The following COL18A1 variants were observed in gnomAD, a reference collection of about 807,000 sequenced individuals.
COL18A1 encodes the protein collagen alpha-1(XVIII) chain.
In COL18A1, 133 loss-of-function variants were observed where a neutral mutation model predicts 168.0. The ratio of observed to expected loss-of-function variants is 0.79; its 90% CI spans 0.69 to 0.91. The LOEUF (loss-of-function observed/expected upper bound fraction) is 0.91, where lower values mean the gene tolerates loss of function less well. Among genes scored for constraint, COL18A1 ranks in the 40% least tolerant of loss-of-function variants. COL18A1 has a pLI of 0.00. For missense variants in COL18A1, 2,126 were observed against 1,925.4 expected, an observed-to-expected ratio of 1.10 and a Z score of -1.95; for synonymous variants, 949 against 809.0, an observed-to-expected ratio of 1.17 and a Z score of -2.94.
At chr21:45,428,635 G>T (rs1025961012) in intron 2 of COL18A1, among the ~76,000 whole-genome samples, 16 of 152,160 alleles carry the variant, frequency 1.1e-4, no homozygotes, top group Admixed American at 2.0e-4. Flanking sequence ...CCACCGCCCG[G>T]CCCCAAGAAC....
intron 6 of COL18A1, 26 bp from the exon 7 acceptor site, chr21:45,477,385 G>T (rs777257211): frequency 6.2e-7 from 1 of 1,601,102 alleles, no homozygotes; most frequent in African/African-American, 1.3e-5. Context: ...GGGCGTGACC[G>T]TGGCCACCTC....
At chr21:45,493,125 C>T in intron 24 of COL18A1, 38 bp from the exon 25 acceptor site, 5 of 1,543,094 alleles carry the variant, frequency 3.2e-6, no homozygotes, top group Non-Finnish European at 4.4e-6. Context: ...GGGGGAGATG[C>T]CAGCCGCTCG....
At chr21:45,490,225 A>G (rs572110047) in intron 19 of COL18A1, 50 bp from the exon 20 acceptor site, 1 of 1,496,548 alleles carries the variant, frequency 6.7e-7, no homozygotes, top group Admixed American at 2.0e-5. Flanking sequence ...GGGTCCCTGC[A>G]TTCCTGGGCG....
chr21:45,430,476 G>C (rs986123870), intron 2 of COL18A1, among the ~76,000 whole-genome samples: 1 of 152,064 alleles, frequency 6.6e-6, no homozygotes, highest in Non-Finnish European at 1.5e-5. Flanking sequence ...GAGGGGGCTC[G>C]AGACTGGGAT....
chr21:45,482,950 T>A (rs1195348094), intron 15 of COL18A1, 129 bp downstream of exon 15: 1 of 1,333,940 alleles, frequency 7.5e-7, no homozygotes, highest in Non-Finnish European at 1.1e-6. Flanking sequence ...TGACCCCCAC[T>A]CCTGCCATCT....
chr21:45,430,196 CT>C (rs2033918486), intron 2 of COL18A1, among the ~76,000 whole-genome samples: 5 of 151,722 alleles, frequency 3.3e-5, no homozygotes, highest in African/African-American at 1.2e-4. Flanking sequence ...TGGGGGCCCC[CT>C]ATCTTTCTAG....
In COL18A1 at chr21:45,496,588, A is replaced by G. The variant is rs188722535; in HGVS notation, c.2577+20A>G. 737 of 1,185,472 alleles carry G rather than the reference A, an allele frequency of 6.2e-4. 5 individuals are homozygous for G. The African/African-American group carries it at 0.012, about 19-fold the overall frequency. The allele number at this position is 1,185,472 out of a possible 1,614,324, so 73.4% of individuals were successfully genotyped here. A position where few individuals can be genotyped will look rare whatever the true frequency, so the allele number is the denominator to read the frequency against. On this transcript the variant is annotated intron_variant, in intron 30 of 41. Transcript: ENST00000651438. ...AGCAATGTAAGTCCCCAGGGCACCC[A>G]CTGTCCTACAGCCACCCTTGGCTGT...
intron 36 of COL18A1, 24 bp from the exon 37 acceptor site, chr21:45,505,814 C>T (rs1268022144): frequency 1.9e-6 from 3 of 1,581,854 alleles, no homozygotes; most frequent in Non-Finnish European, 2.6e-6. Context: ...CCAAGCCCCA[C>T]ACCTCTGCAT....
intron 2 of COL18A1, chr21:45,455,442 G>A (rs1292093937): frequency 3.8e-6 from 6 of 1,563,850 alleles, no homozygotes; most frequent in Non-Finnish European, 5.2e-6. Context: ...AGCCTGCACA[G>A]GGGAGGGCAG....
intron 29 of COL18A1, 196 bp from the exon 30 acceptor site, chr21:45,496,304 G>T (rs1257445314): frequency 2.8e-6 from 2 of 714,280 alleles, no homozygotes; most frequent in African/African-American, 3.5e-5. Flanking sequence ...TCCAGCGTGG[G>T]ATGAGGTGGG....
chr21:45,487,005 T>G lies in COL18A1; in HGVS notation c.1833+13T>G, dbSNP rs1602522472. ...CCCCGCTGGATTTGTGAGTACCGCC[T>G]ACACCTGACCCCCTGGAGAGCCGGG... On this transcript the variant is annotated intron_variant, in intron 16 of 41. Coordinates refer to ENST00000651438, the MANE Select transcript of COL18A1 (RefSeq NM_001379500.1). 4 of 1,514,582 alleles carry G rather than the reference T, an allele frequency of 2.6e-6. No individual in the cohort carries two copies. Among genetic ancestry groups the G allele is most frequent in the Non-Finnish European group, 3.5e-6 (4 of 1,139,512 alleles). The allele number at this position is 1,514,582 out of a possible 1,614,324, so 93.8% of individuals were successfully genotyped here.
At chr21:45,461,773 C>T (rs930393062) in intron 2 of COL18A1, among the ~76,000 whole-genome samples, 5 of 152,218 alleles carry the variant, frequency 3.3e-5, no homozygotes, top group African/African-American at 9.6e-5. Flanking sequence ...AGTTTAATAT[C>T]CTCCAGGTTC....
chr21:45,468,830 ATGGGG>A, intron 3 of COL18A1, 44 bp downstream of exon 3: 14 of 552,006 alleles, frequency 2.5e-5, no homozygotes, highest in Non-Finnish European at 3.2e-5. Flanking sequence ...AGCAGCTGGG[ATGGGG>A]TGGGGTGGGG....
In COL18A1 at chr21:45,456,592, G is replaced by A. The variant is rs776736720; in HGVS notation, c.107-11650G>A. 10 of 1,542,234 alleles carry A rather than the reference G, an allele frequency of 6.5e-6. No individual in the cohort carries two copies. In the South Asian group the frequency reaches 9.5e-5, roughly 15 times the overall value. On this transcript the variant is annotated intron_variant, in intron 2 of 41. Coordinates refer to ENST00000651438, the MANE Select transcript of COL18A1 (RefSeq NM_001379500.1). ...ACCTGGGCATCTCACGCTTCTGGCT[G>A]CCCAACCACCTCCACCACGAGAGCG...
At position 45,512,678 on chromosome 21, in the gene COL18A1, G is replaced by GCAA; in HGVS notation, c.*282_*284dup. 1 of 518,974 alleles carries GCAA rather than the reference G, an allele frequency of 1.9e-6. No homozygotes were observed. Among genetic ancestry groups the GCAA allele is most frequent in the Non-Finnish European group, 3.5e-6 (1 of 285,290 alleles). The allele number at this position is 518,974 out of a possible 1,614,324, so 32.1% of individuals were successfully genotyped here. ...GGCAGGGTGCAGTATCATGCCCTGT[G>GCAA]CAACCTCTTGGCCTGATCAGACCAC... On this transcript the variant is annotated 3_prime_UTR_variant, in exon 42 of 42. Transcript: ENST00000651438.
chr21:45,503,519 A>G (rs1251391184), intron 32 of COL18A1, among the ~76,000 whole-genome samples: 1 of 151,786 alleles, frequency 6.6e-6, no homozygotes, highest in Non-Finnish European at 1.5e-5. Context: ...CATCATTCTC[A>G]GTAAACTATT....
chr21:45,409,929 GT>G (rs1325842500), intron 2 of COL18A1: 4 of 152,274 alleles, frequency 2.6e-5, no homozygotes, highest in African/African-American at 4.8e-5. Flanking sequence ...GCCACAGAGA[GT>G]GAGGGAGCGG....
intron 38 of COL18A1, among the ~76,000 whole-genome samples, chr21:45,508,526 GTGGGTGGATGGA>G (rs1196677455): frequency 6.6e-6 from 1 of 151,658 alleles, no homozygotes; most frequent in African/African-American, 2.4e-5. Context: ...TAGTGGATGG[GTGGGTGGATGGA>G]TGGGTAGAAA....
rs1161131669 is a variant in COL18A1 at position 45,473,813 on chromosome 21, C to T, written c.652-82C>T. On this transcript the variant is annotated intron_variant, in intron 3 of 41. Transcript: ENST00000651438. The surrounding 1 kb of genome is among the most constrained non-coding windows in gnomAD (Gnocchi z 4.0). Reference sequence around the variant, plus strand: ...ACTCTCCTGCCCTTTGTGGGCCCCCCGAAATCTGGAGCTCAAGCAGCACCG... The same window carrying T: ...ACTCTCCTGCCCTTTGTGGGCCCCCTGAAATCTGGAGCTCAAGCAGCACCG... 16 of 1,222,980 alleles carry T rather than the reference C, an allele frequency of 1.3e-5. No individual in the cohort carries two copies. Among genetic ancestry groups the T allele is most frequent in the South Asian group, 5.2e-5 (4 of 77,600 alleles). 75.8% of individuals were successfully genotyped at this position (1,222,980 alleles called of 1,614,324 possible). A position where few individuals can be genotyped will look rare whatever the true frequency, so the allele number is the denominator to read the frequency against.
Sources: allele counts gnomAD v4.1 joint callset (sites outside exome capture counted in the v4.1 genomes callset), GRCh38; gene constraint gnomAD v4.1.1; non-coding constraint Gnocchi (gnomAD v3.1); transcripts MANE v1.5; gene names NCBI Gene and HGNC (gene_info 2026-07-23, HGNC 2026-07-21).